The following PCLO variants were observed in gnomAD, a reference collection of about 807,000 sequenced individuals.
PCLO encodes the protein protein piccolo.
Under a neutral mutation model 427.5 loss-of-function variants are expected in PCLO, and 82 were observed. The observed-to-expected ratio is 0.19, with a 90% CI of 0.16 to 0.23. The LOEUF (loss-of-function observed/expected upper bound fraction) is 0.23. Among genes scored for constraint, PCLO ranks in the 10% least tolerant of loss-of-function variants. The pLI is 1.00. For synonymous variants in PCLO, 2,357 were observed against 2,155.4 expected (o/e 1.09, Z -2.59); for missense variants, 6,239 against 6,115.9 (o/e 1.02, Z -0.67).
chr7:83,003,109 T>C (rs1376215456), intron 3 of PCLO, among the ~76,000 whole-genome samples: 1 of 151,402 alleles, frequency 6.6e-6, no homozygotes. Flanking sequence ...ATTTTTTTCT[T>C]ACCTATATTT....
At chr7:83,137,574 G>A (rs1463729628) in intron 2 of PCLO, among the ~76,000 whole-genome samples, 1 of 152,036 alleles carries the variant, frequency 6.6e-6, no homozygotes, top group Non-Finnish European at 1.5e-5. Flanking sequence ...GGGACTATAG[G>A]CGCCCACCAC....
chr7:82,897,077 A>G (rs1390645402), intron 9 of PCLO, among the ~76,000 whole-genome samples: 3 of 151,668 alleles, frequency 2.0e-5, no homozygotes, highest in African/African-American at 4.8e-5. Context: ...TTTTCTGTTC[A>G]TTTCTCTTTA....
intron 19 of PCLO, 28 bp from the exon 20 acceptor site, chr7:82,822,717 T>TA: frequency 6.2e-7 from 1 of 1,600,712 alleles, no homozygotes; most frequent in Non-Finnish European, 8.5e-7. Flanking sequence ...AAACATGAGT[T>TA]AAAGTTGTTC....
At chr7:82,845,164 G>A in intron 13 of PCLO, 107 bp downstream of exon 13, 1 of 790,262 alleles carries the variant, frequency 1.3e-6, no homozygotes, top group Non-Finnish European at 2.0e-6. Context: ...CTGGAAATGA[G>A]AAATCATAAG....
chr7:83,053,520 T>C (rs538389129), intron 3 of PCLO, among the ~76,000 whole-genome samples: 1 of 151,842 alleles, frequency 6.6e-6, no homozygotes, highest in Admixed American at 6.6e-5. Context: ...GAGGAAAAGA[T>C]GGTAGTAAGG....
Position 82,952,682 on chromosome 7 carries a change from C to T in PCLO, c.8271G>A (p.Gln2757=), listed in dbSNP as rs1377967975. The change falls in exon 5 of 25, where the codon CAG becomes CAA. Residue 2757 remains glutamine (Q), a synonymous_variant. Coordinates refer to ENST00000333891, the MANE Select transcript of PCLO (RefSeq NM_033026.6). The stretch of plus-strand genomic sequence containing the variant: ...TCCCATAAACTTCATTTGCTGTGAT[C>T]TGCCTTTTCACATCCATTGTAGAAG... ...LSASTMDVKR[Q]ITANEVYGKQ... The T allele has an allele frequency of 6.2e-7, 1 of 1,613,770 alleles. No homozygotes were observed. The highest frequency in any genetic ancestry group is 8.5e-7 in the Non-Finnish European group (1 of 1,179,858).
chr7:82,857,357 C>A (rs563822697), intron 10 of PCLO, among the ~76,000 whole-genome samples: 1 of 152,084 alleles, frequency 6.6e-6, no homozygotes, highest in Non-Finnish European at 1.5e-5. Flanking sequence ...AGTATTCTTA[C>A]TGAATTATTA....
intron 1 of PCLO, among the ~76,000 whole-genome samples, chr7:83,161,735 C>A (rs1792441388): frequency 6.6e-6 from 1 of 152,294 alleles, no homozygotes; most frequent in Non-Finnish European, 1.5e-5. Flanking sequence ...TGTACAGCAC[C>A]TGCTCTGCTG....
intron 20 of PCLO, chr7:82,822,118 C>G: frequency 9.7e-7 from 1 of 1,029,682 alleles, no homozygotes; most frequent in Non-Finnish European, 1.2e-6. Context: ...TGGTATAAGT[C>G]CTGGAAAACT....
At chr7:82,924,891 C>T (rs1324518843) in intron 6 of PCLO, among the ~76,000 whole-genome samples, 1 of 151,998 alleles carries the variant, frequency 6.6e-6, no homozygotes, top group Non-Finnish European at 1.5e-5. Context: ...GCACAACAGA[C>T]ATTTACATAC....
chr7:82,821,331 G>T (rs1433369693), intron 20 of PCLO: 12 of 985,918 alleles, frequency 1.2e-5, no homozygotes, highest in Non-Finnish European at 1.4e-5. Flanking sequence ...CCCAGAGTAT[G>T]TATCCTCAGA....
intron 10 of PCLO, among the ~76,000 whole-genome samples, chr7:82,877,601 G>A (rs1440751474): frequency 6.6e-6 from 1 of 152,082 alleles, no homozygotes; most frequent in Non-Finnish European, 1.5e-5. Flanking sequence ...CTTTCATTGA[G>A]CTATCTGGCA....
chr7:83,016,761 T>G (rs944647407), intron 3 of PCLO, among the ~76,000 whole-genome samples: 1 of 152,018 alleles, frequency 6.6e-6, no homozygotes, highest in East Asian at 1.9e-4. Context: ...ATGGTATAGA[T>G]TGAAATAGGA....
At chr7:83,037,957 C>T (rs1788835905) in intron 3 of PCLO, among the ~76,000 whole-genome samples, 2 of 106,102 alleles carry the variant, frequency 1.9e-5, no homozygotes, top group African/African-American at 3.4e-5. Context: ...GTAAGTTTCC[C>T]GTGTTAGTTG....
intron 3 of PCLO, among the ~76,000 whole-genome samples, chr7:83,035,910 A>C (rs2116173197): frequency 6.6e-6 from 1 of 152,270 alleles, no homozygotes; most frequent in South Asian, 2.1e-4. Flanking sequence ...AGAGAGTGAA[A>C]AATTGAGGCA....
At chr7:82,901,730 C>CA (rs1794045229) in intron 9 of PCLO, among the ~76,000 whole-genome samples, 1 of 151,572 alleles carries the variant, frequency 6.6e-6, no homozygotes, top group Non-Finnish European at 1.5e-5. Context: ...AATTTACAAG[C>CA]AAAAAACAAA....
At chr7:82,792,849 T>G (rs780747807) in intron 22 of PCLO, among the ~76,000 whole-genome samples, 7 of 152,270 alleles carry the variant, frequency 4.6e-5, no homozygotes, top group African/African-American at 1.7e-4. Flanking sequence ...TATATGAAGA[T>G]TTAGCTTTTC....
chr7:83,047,445 C>T (rs1030177364), intron 3 of PCLO, among the ~76,000 whole-genome samples: 2 of 152,046 alleles, frequency 1.3e-5, no homozygotes, highest in Admixed American at 1.3e-4. Context: ...TTACATTGTC[C>T]TGTAAATATT....
intron 6 of PCLO, among the ~76,000 whole-genome samples, chr7:82,930,069 C>G (rs1794805583): frequency 6.6e-6 from 1 of 152,106 alleles, no homozygotes; most frequent in African/African-American, 2.4e-5. Context: ...CTGTCTGGAT[C>G]TTAGAGAATG....
Sources: gnomAD v4.1 joint callset for allele counts (sites outside exome capture counted in the v4.1 genomes callset) on GRCh38, gnomAD v4.1.1 for gene constraint, MANE v1.5 for transcripts, NCBI Gene and HGNC (gene_info 2026-07-23, HGNC 2026-07-21) for gene names.